ACYP2: variants seen among roughly 807,000 people sequenced by gnomAD.
The protein encoded by ACYP2 is acylphosphatase-2.
In ACYP2, 12 loss-of-function variants were observed where a neutral mutation model predicts 11.2. The observed-to-expected ratio is 1.08, with a 90% confidence interval of 0.69 to 1.74. ACYP2 has a LOEUF of 1.74. ACYP2 is among the 40% of genes most tolerant of loss of function. ACYP2 has a pLI of 0.00. For missense variants in ACYP2, 134 were observed against 101.9 expected, an observed-to-expected ratio of 1.31 and a Z score of -1.35; for synonymous variants, 43 against 32.2, an observed-to-expected ratio of 1.33 and a Z score of -1.13.
At chr2:54,043,581 A>T (rs1675356887) in intron 2 of ACYP2, among the ~76,000 whole-genome samples, 1 of 152,186 alleles carries the variant, frequency 6.6e-6, no homozygotes, top group Admixed American at 6.5e-5. Context: ...TACACTTATG[A>T]CATTGTGCTA....
chr2:54,083,174 T>A (rs952966839), intron 4 of ACYP2, among the ~76,000 whole-genome samples: 5 of 152,168 alleles, frequency 3.3e-5, no homozygotes, highest in African/African-American at 1.2e-4. Flanking sequence ...GCTGCCCATG[T>A]CGATTCCCAG....
chr2:54,186,006 A>G (rs866242202), intron 6 of ACYP2, among the ~76,000 whole-genome samples: 3 of 151,970 alleles, frequency 2.0e-5, no homozygotes, highest in Admixed American at 6.5e-5. Flanking sequence ...AAAAACATCC[A>G]AATATAAAAA....
intron 6 of ACYP2, among the ~76,000 whole-genome samples, chr2:54,171,361 G>A (rs560270249): frequency 6.6e-6 from 1 of 152,200 alleles, no homozygotes; most frequent in South Asian, 2.1e-4. Flanking sequence ...ATCGGGGGGC[G>A]AGCTGTTACC....
chr2:54,102,638 CAAA>C (rs58842257), intron 4 of ACYP2, among the ~76,000 whole-genome samples: 29 of 83,316 alleles, frequency 3.5e-4, no homozygotes, highest in African/African-American at 1.6e-3. Flanking sequence ...TGGCTTAAGC[CAAA>C]AAAAAAAAAA....
chr2:54,272,973 C>G (rs1688379188), intron 6 of ACYP2, among the ~76,000 whole-genome samples: 2 of 152,102 alleles, frequency 1.3e-5, no homozygotes, highest in African/African-American at 4.8e-5. Context: ...ATGTTTAGTA[C>G]CAGGTCAGCT....
At chr2:54,232,400 G>T (rs1558630838) in intron 6 of ACYP2, among the ~76,000 whole-genome samples, 1 of 152,120 alleles carries the variant, frequency 6.6e-6, no homozygotes, top group Non-Finnish European at 1.5e-5. Context: ...TGGGGTCATT[G>T]ACTGGCTTAT....
chr2:54,112,316 C>T (rs1186330780), intron 4 of ACYP2, among the ~76,000 whole-genome samples: 1 of 152,140 alleles, frequency 6.6e-6, no homozygotes, highest in East Asian at 1.9e-4. Flanking sequence ...AAAACCAAAG[C>T]TTCATATAAT....
intron 2 of ACYP2, among the ~76,000 whole-genome samples, chr2:54,021,159 C>A (rs553935570): frequency 5.9e-5 from 9 of 152,088 alleles, no homozygotes; most frequent in Non-Finnish European, 8.8e-5. Context: ...AGCAGGCATA[C>A]GAGCCGGAGT....
At chr2:54,116,661 A>G (rs1193253409) in intron 4 of ACYP2, among the ~76,000 whole-genome samples, 1 of 152,186 alleles carries the variant, frequency 6.6e-6, no homozygotes, top group Non-Finnish European at 1.5e-5. Flanking sequence ...AAAAAGAAGA[A>G]CTAGCGCTCA....
chr2:54,200,781 A>AT (rs1572924778), intron 6 of ACYP2, among the ~76,000 whole-genome samples: 1 of 152,160 alleles, frequency 6.6e-6, no homozygotes, highest in East Asian at 1.9e-4. Flanking sequence ...TAGGAGTAGA[A>AT]TTGCTGGGTT....
Position 54,051,033 on chromosome 2 carries a change from A to G in ACYP2, c.138A>G (p.Pro46=), listed in dbSNP as rs1675836518. ...AGCTATCCTCCTGCCTCGGCCTCCC[A>G]TGCTGTTGGGATTACAGGTGAGAAC... Residue 46 remains proline (P), a synonymous_variant, in exon 3 of 7, where the codon CCA becomes CCG. Coordinates refer to ENST00000607452, the MANE Select transcript of ACYP2 (RefSeq NM_001320586.2). 4 of 473,806 alleles carry G rather than the reference A, an allele frequency of 8.4e-6. No homozygotes were observed. The highest frequency in any genetic ancestry group is 6.0e-5 in the African/African-American group (3 of 49,998). The allele number at this position is 473,806 out of a possible 1,614,324, so 29.4% of individuals were successfully genotyped here.
intron 4 of ACYP2, among the ~76,000 whole-genome samples, chr2:54,062,861 A>G (rs1676540848): frequency 6.6e-6 from 1 of 152,244 alleles, no homozygotes; most frequent in Non-Finnish European, 1.5e-5. Context: ...AACAAAAAAG[A>G]AAAAACAGGA....
At chr2:54,034,964 C>T (rs1041488446) in intron 2 of ACYP2, among the ~76,000 whole-genome samples, 11 of 139,286 alleles carry the variant, frequency 7.9e-5, no homozygotes, top group Non-Finnish European at 1.4e-4. Flanking sequence ...GAGCTGAGAT[C>T]ATGCCACTGC....
At chr2:54,200,409 T>A (rs1049071556) in intron 6 of ACYP2, among the ~76,000 whole-genome samples, 1 of 152,186 alleles carries the variant, frequency 6.6e-6, no homozygotes. Flanking sequence ...CCATTGGCAG[T>A]CACTCCCTAT....
At chr2:54,207,161 TACA>T (rs57159283) in intron 6 of ACYP2, among the ~76,000 whole-genome samples, 13,575 of 100,906 alleles carry the variant, frequency 0.13, 2,053 homozygotes, top group African/African-American at 0.38. Flanking sequence ...TGTACATATA[TACA>T]ACATGTATAT....
At chr2:54,110,772 A>G (rs1679418605) in intron 4 of ACYP2, among the ~76,000 whole-genome samples, 2 of 151,946 alleles carry the variant, frequency 1.3e-5, no homozygotes, top group South Asian at 4.1e-4. Context: ...CATCACCCCA[A>G]GCTCAGTGAG....
chr2:54,195,955 A>T (rs1684460600), intron 6 of ACYP2, among the ~76,000 whole-genome samples: 1 of 151,332 alleles, frequency 6.6e-6, no homozygotes, highest in East Asian at 1.9e-4. Flanking sequence ...CTGCCACCAC[A>T]CTCAGCTAAT....
intron 4 of ACYP2, among the ~76,000 whole-genome samples, chr2:54,069,047 C>T (rs1157348987): frequency 6.6e-6 from 1 of 152,068 alleles, no homozygotes; most frequent in Non-Finnish European, 1.5e-5. Flanking sequence ...TCCACCTCAT[C>T]CTCTTGAGTA....
chr2:54,301,401 T>A (rs545945625), intron 6 of ACYP2, among the ~76,000 whole-genome samples: 1 of 152,312 alleles, frequency 6.6e-6, no homozygotes, highest in Non-Finnish European at 1.5e-5. Flanking sequence ...TCTCCCTTTA[T>A]ATAATATAAA....
Sources: allele counts gnomAD v4.1 joint callset (sites outside exome capture counted in the v4.1 genomes callset), GRCh38; gene constraint gnomAD v4.1.1; transcripts MANE v1.5; gene names NCBI Gene and HGNC (gene_info 2026-07-23, HGNC 2026-07-21).